Variants in YAP1 observed in about 807,000 individuals in gnomAD.
The protein encoded by YAP1 is Yes1 associated transcriptional regulator.
Under a neutral mutation model 56.9 loss-of-function variants are expected in YAP1, and 5 were observed. The observed-to-expected ratio is 0.09, with a 90% CI of 0.05 to 0.18. The LOEUF is 0.18. YAP1 is among the 10% of genes least tolerant of loss of function. The pLI is 1.00. For missense variants in YAP1, 539 were observed against 651.8 expected, an observed-to-expected ratio of 0.83 and a Z score of 1.88; for synonymous variants, 265 against 248.1, an observed-to-expected ratio of 1.07 and a Z score of -0.64.
intron 2 of YAP1, among the ~76,000 whole-genome samples, chr11:102,131,381 A>G (rs921062103): frequency 6.6e-6 from 1 of 152,180 alleles, no homozygotes; most frequent in African/African-American, 2.4e-5. Context: ...GGACAAAATT[A>G]ATAACATGCC....
At chr11:102,116,985 G>T (rs1006052964) in intron 2 of YAP1, among the ~76,000 whole-genome samples, 1 of 152,092 alleles carries the variant, frequency 6.6e-6, no homozygotes, top group African/African-American at 2.4e-5. Context: ...TCTGCTTTAT[G>T]AACATTATGC....
At chr11:102,124,279 G>A (rs1943892709) in intron 2 of YAP1, among the ~76,000 whole-genome samples, 2 of 152,132 alleles carry the variant, frequency 1.3e-5, no homozygotes. Flanking sequence ...CTTCCAGTTT[G>A]CTAATTGAGT....
In YAP1 at chr11:102,232,959, T is replaced by G. The variant is rs538777059; in HGVS notation, c.*3019T>G. The G allele has an allele frequency of 3.9e-5, 6 of 152,242 alleles. No homozygotes were observed. Among genetic ancestry groups the G allele is most frequent in the Non-Finnish European group, 8.8e-5 (6 of 68,056 alleles). The allele number at this position is 152,242 out of a possible 1,614,324, so 9.4% of individuals were successfully genotyped here. On this transcript the variant is annotated 3_prime_UTR_variant, in exon 9 of 9. Coordinates refer to ENST00000282441, the MANE Select transcript of YAP1 (RefSeq NM_001130145.3). ...AAGTATTCATATTAAATACATGCCTTCTATATGGAACATGGCAGAAAGACT... is the reference window on the plus strand; with the variant it reads ...AAGTATTCATATTAAATACATGCCTGCTATATGGAACATGGCAGAAAGACT...
chr11:102,168,606 A>C (rs1292635906), intron 3 of YAP1, among the ~76,000 whole-genome samples: 1 of 152,228 alleles, frequency 6.6e-6, no homozygotes, highest in South Asian at 2.1e-4. Flanking sequence ...AAATACCTCA[A>C]GATGGGTGGA....
intron 2 of YAP1, among the ~76,000 whole-genome samples, chr11:102,150,804 T>TTTTTTTA (rs1408001801): frequency 2.8e-5 from 4 of 143,062 alleles, no homozygotes; most frequent in African/African-American, 1.0e-4. Flanking sequence ...TACAAATGGT[T>TTTTTTTA]TTTTTTTTTT....
rs143756474 is a variant in YAP1, at chr11:102,216,671, C to T, written c.1033-6951C>T. On this transcript the variant is annotated intron_variant, in intron 6 of 8. Transcript: ENST00000282441. ...TTGAAACATTTCATGTTGAAAGTTA[C>T]GTCTATCTCTAAGAAGTTTTTGGAT... Among the ~76,000 whole-genome samples the T allele has an allele frequency of 7.8e-3, 1,193 of 152,216 alleles. 7 individuals carry two copies. The highest frequency in any genetic ancestry group is 0.015 in the Admixed American group (229 of 15,284).
intron 3 of YAP1, among the ~76,000 whole-genome samples, chr11:102,182,347 C>A: frequency 6.6e-6 from 1 of 152,260 alleles, no homozygotes; most frequent in Middle Eastern, 3.4e-3. Context: ...TCTCCTCTTA[C>A]ATTTATTTTT....
At chr11:102,199,417 T>C (rs997363671) in intron 4 of YAP1, among the ~76,000 whole-genome samples, 1 of 150,920 alleles carries the variant, frequency 6.6e-6, no homozygotes, top group African/African-American at 2.4e-5. Context: ...TCCCAAAAAT[T>C]GTTGGCTTTT....
At chr11:102,221,987 C>T (rs1378106889) in intron 6 of YAP1, among the ~76,000 whole-genome samples, 1 of 151,712 alleles carries the variant, frequency 6.6e-6, no homozygotes, top group Admixed American at 6.6e-5. Context: ...CAGAGACTCT[C>T]TGAATTCTGT....
chr11:102,176,845 A>C (rs1183555819), intron 3 of YAP1, among the ~76,000 whole-genome samples: 1 of 149,878 alleles, frequency 6.7e-6, no homozygotes, highest in Non-Finnish European at 1.5e-5. Context: ...GGACATACTG[A>C]GAATGTAGGG....
chr11:102,213,560 A>G (rs1328455031), intron 6 of YAP1, among the ~76,000 whole-genome samples: 2 of 152,170 alleles, frequency 1.3e-5, no homozygotes, highest in African/African-American at 4.8e-5. Context: ...TAAACTCTGC[A>G]ACTGGCTCAT....
chr11:102,201,970 CAAGG>C (rs1008006013), intron 4 of YAP1, among the ~76,000 whole-genome samples: 17 of 150,790 alleles, frequency 1.1e-4, no homozygotes, highest in Non-Finnish European at 2.2e-4. Context: ...TAAAAGCAAA[CAAGG>C]AAGTAGAACA....
At chr11:102,138,286 G>A (rs1420756996) in intron 2 of YAP1, among the ~76,000 whole-genome samples, 2 of 152,164 alleles carry the variant, frequency 1.3e-5, no homozygotes, top group Admixed American at 1.3e-4. Flanking sequence ...CATTCGAGTT[G>A]GGCTCAGCTG....
chr11:102,172,823 A>G (rs1453799173), intron 3 of YAP1, among the ~76,000 whole-genome samples: 1 of 152,142 alleles, frequency 6.6e-6, no homozygotes, highest in Non-Finnish European at 1.5e-5. Context: ...TCTTTTGAGC[A>G]GAGATCTGAA....
chr11:102,144,319 A>G (rs1296584881), intron 2 of YAP1, among the ~76,000 whole-genome samples: 1 of 152,216 alleles, frequency 6.6e-6, no homozygotes, highest in East Asian at 1.9e-4. Flanking sequence ...AATTATTCCC[A>G]TAGGAGTAAA....
chr11:102,146,127 T>G (rs1026726881), intron 2 of YAP1, among the ~76,000 whole-genome samples: 3 of 152,180 alleles, frequency 2.0e-5, no homozygotes, highest in Admixed American at 2.0e-4. Flanking sequence ...ACCTACAGAT[T>G]AAGGTCCATA....
chr11:102,119,722 A>G (rs1020179518), intron 2 of YAP1, among the ~76,000 whole-genome samples: 2 of 152,046 alleles, frequency 1.3e-5, no homozygotes, highest in African/African-American at 4.8e-5. Context: ...CTTTGTAGTT[A>G]GAAAAATAAT....
intron 3 of YAP1, among the ~76,000 whole-genome samples, chr11:102,169,660 C>T (rs567944617): frequency 6.6e-6 from 1 of 152,120 alleles, no homozygotes; most frequent in African/African-American, 2.4e-5. Context: ...AACAAAATTG[C>T]TGTTTTCTTT....
intron 6 of YAP1, among the ~76,000 whole-genome samples, chr11:102,216,452 A>G (rs1183725356): frequency 2.6e-5 from 4 of 152,198 alleles, no homozygotes; most frequent in Admixed American, 6.5e-5. Context: ...ATAAGCCTGT[A>G]TATGTCTTAT....
Sources: gnomAD v4.1 joint callset for allele counts (sites outside exome capture counted in the v4.1 genomes callset) on GRCh38, gnomAD v4.1.1 for gene constraint, MANE v1.5 for transcripts, NCBI Gene and HGNC (gene_info 2026-07-23, HGNC 2026-07-21) for gene names.